MMP26: variants seen among roughly 807,000 people sequenced by gnomAD.
The protein encoded by MMP26 is matrix metalloproteinase-26.
Under a neutral mutation model 31.0 loss-of-function variants are expected in MMP26, and 33 were observed. That is an observed-to-expected ratio of 1.06 (90% CI 0.81 to 1.42). The LOEUF (loss-of-function observed/expected upper bound fraction) is 1.42, where lower values mean the gene tolerates loss of function less well. Ranked by LOEUF, MMP26 falls within the 40% of genes most tolerant of loss-of-function variation. MMP26 has a pLI of 0.00. For synonymous variants in MMP26, 122 were observed against 114.9 expected, an observed-to-expected ratio of 1.06 and a Z score of -0.40; for missense variants, 347 against 316.1, an observed-to-expected ratio of 1.10 and a Z score of -0.74.
Position 4,907,095 on chromosome 11 carries a change from T to TAAAAAAA in MMP26, c.-144-80959_-144-80953dup, listed in dbSNP as rs3065178. 3.2e-3 allele frequency among the ~76,000 whole-genome samples: 178 copies of TAAAAAAA among 55,122 alleles called. 12 individuals are homozygous for TAAAAAAA. Among genetic ancestry groups the TAAAAAAA allele is most frequent in the African/African-American group, 0.01 (159 of 15,270 alleles). The allele number at this position is 55,122 out of a possible 152,430, so 36.2% of individuals were successfully genotyped here. On this transcript the variant is annotated intron_variant, in intron 2 of 7. Coordinates refer to ENST00000380390, the MANE Select transcript of MMP26 (RefSeq NM_021801.5). ...TGGGCAACAAGAGCAAAACTCCCTC[T>TAAAAAAA]AAAAAAAAAAAAAAAAAAAATCCTA...
At chr11:4,756,522 G>C (rs1848505964) in intron 1 of MMP26, 1 of 151,746 alleles carries the variant, frequency 6.6e-6, no homozygotes, top group African/African-American at 2.4e-5. Flanking sequence ...AGAAAATATG[G>C]ATTTCCTATA....
intron 2 of MMP26, among the ~76,000 whole-genome samples, chr11:4,818,336 T>G (rs959401934): frequency 1.3e-5 from 2 of 152,170 alleles, no homozygotes; most frequent in African/African-American, 4.8e-5. Context: ...ATCGATATTT[T>G]CTTATAAAAT....
At chr11:4,806,279 T>G (rs1849268327) in intron 2 of MMP26, among the ~76,000 whole-genome samples, 1 of 152,090 alleles carries the variant, frequency 6.6e-6, no homozygotes, top group Non-Finnish European at 1.5e-5. Flanking sequence ...GGTATCCTTG[T>G]TAACTTTCTG....
chr11:4,881,795 C>A, intron 2 of MMP26: 1 of 1,062,008 alleles, frequency 9.4e-7, no homozygotes, highest in Non-Finnish European at 1.4e-6. Flanking sequence ...AAATAACTAC[C>A]TTAAATTTAA....
Position 4,930,981 on chromosome 11 carries a change from C to A in MMP26, c.-144-57087C>A, listed in dbSNP as rs115001845. 8.4e-3 allele frequency among the ~76,000 whole-genome samples: 1,272 copies of A among 151,724 alleles called. 17 individuals carry two copies. Among genetic ancestry groups the A allele is most frequent in the African/African-American group, 0.029 (1,219 of 41,372 alleles). On this transcript the variant is annotated intron_variant, in intron 2 of 7. Transcript: ENST00000380390. ...TATTTTAAGAGTCTAAGTATAGATA[C>A]AACTAAAGATAATTTATAAAGCTAA...
At chr11:4,774,347 T>A (rs1035500891) in intron 2 of MMP26, among the ~76,000 whole-genome samples, 1 of 152,238 alleles carries the variant, frequency 6.6e-6, no homozygotes, top group Non-Finnish European at 1.5e-5. Context: ...TATCTCCTTG[T>A]GGCTTTGATT....
At chr11:4,803,721 T>A in intron 2 of MMP26, 1 of 1,613,658 alleles carries the variant, frequency 6.2e-7, no homozygotes, top group Non-Finnish European at 8.5e-7. Flanking sequence ...TCATCACGTA[T>A]GACATACCAA....
At chr11:4,871,733 T>C (rs578174405) in intron 2 of MMP26, 2 of 152,294 alleles carry the variant, frequency 1.3e-5, no homozygotes, top group Admixed American at 6.6e-5. Context: ...TCCTAGACCA[T>C]ACTTTGGGTG....
At chr11:4,956,321 G>T (rs1050099042) in intron 2 of MMP26, among the ~76,000 whole-genome samples, 5 of 152,180 alleles carry the variant, frequency 3.3e-5, no homozygotes, top group African/African-American at 1.2e-4. Flanking sequence ...GGGTCACAGA[G>T]TTCTCTGGGG....
chr11:4,736,112 G>T (rs1452519847), intron 1 of MMP26: 1 of 152,132 alleles, frequency 6.6e-6, no homozygotes, highest in Non-Finnish European at 1.5e-5. Flanking sequence ...ATGTCTTGGA[G>T]TTGATAAGAA....
intron 2 of MMP26, among the ~76,000 whole-genome samples, chr11:4,932,086 C>T (rs976549606): frequency 6.6e-6 from 1 of 152,042 alleles, no homozygotes; most frequent in African/African-American, 2.4e-5. Flanking sequence ...AAACAACTCC[C>T]GATAGAGTTG....
At chr11:4,961,340 T>C (rs1417327867) in intron 2 of MMP26, among the ~76,000 whole-genome samples, 3 of 152,240 alleles carry the variant, frequency 2.0e-5, no homozygotes, top group Non-Finnish European at 4.4e-5. Flanking sequence ...CTGTTCCCTC[T>C]GGGCCCCTGG....
intron 2 of MMP26, among the ~76,000 whole-genome samples, chr11:4,781,399 T>A (rs938072803): frequency 3.3e-5 from 4 of 121,092 alleles, no homozygotes; most frequent in Non-Finnish European, 5.0e-5. Flanking sequence ...TACAAAAAAT[T>A]AGCCGGGCGC....
chr11:4,830,578 T>C (rs10836735), intron 2 of MMP26, among the ~76,000 whole-genome samples: 29,531 of 152,134 alleles, frequency 0.19, 3,174 homozygotes, highest in Middle Eastern at 0.27. Flanking sequence ...TGGGAATGGC[T>C]CATTTCGAGG....
At chr11:4,911,047 C>T (rs747705582) in intron 2 of MMP26, among the ~76,000 whole-genome samples, 103 of 152,292 alleles carry the variant, frequency 6.8e-4, no homozygotes, top group Middle Eastern at 3.4e-3. Context: ...GCCAGAGGTA[C>T]TCAATAGATA....
intron 2 of MMP26, among the ~76,000 whole-genome samples, chr11:4,809,430 A>G (rs1358659582): frequency 2.0e-5 from 3 of 152,190 alleles, no homozygotes; most frequent in Non-Finnish European, 2.9e-5. Context: ...TTTGATTCCA[A>G]CTATAACACC....
At chr11:4,986,973 C>T (rs1846910044) in intron 2 of MMP26, among the ~76,000 whole-genome samples, 2 of 141,502 alleles carry the variant, frequency 1.4e-5, no homozygotes, top group Non-Finnish European at 3.0e-5. Context: ...CTCTCTCTCT[C>T]TCTTTCTTTC....
intron 2 of MMP26, chr11:4,881,829 A>G: frequency 7.7e-7 from 1 of 1,303,922 alleles, no homozygotes; most frequent in South Asian, 1.3e-5. Context: ...ATGACTAATA[A>G]AATGTATGCT....
chr11:4,978,926 GAT>G (rs1480556149), intron 2 of MMP26, among the ~76,000 whole-genome samples: 2 of 152,098 alleles, frequency 1.3e-5, no homozygotes, highest in African/African-American at 4.8e-5. Flanking sequence ...ACGAGAATAA[GAT>G]AGAATCTACC....
Sources: allele counts gnomAD v4.1 joint callset (sites outside exome capture counted in the v4.1 genomes callset), GRCh38; gene constraint gnomAD v4.1.1; transcripts MANE v1.5; gene names NCBI Gene and HGNC (gene_info 2026-07-23, HGNC 2026-07-21).